The following SLC10A7 variants were observed in gnomAD, a reference collection of about 807,000 sequenced individuals.
SLC10A7 encodes sodium/bile acid cotransporter 7.
In SLC10A7, 29 loss-of-function variants were observed where a neutral mutation model predicts 43.2. The ratio of observed to expected loss-of-function variants is 0.67; its 90% CI spans 0.50 to 0.92. SLC10A7 has a LOEUF of 0.92. SLC10A7 is among the 40% of genes least tolerant of loss of function. SLC10A7 has a pLI of 0.00. For missense variants in SLC10A7, 295 were observed against 403.2 expected (o/e 0.73, Z 2.30); for synonymous variants, 152 against 144.8 (o/e 1.05, Z -0.35).
intron 10 of SLC10A7, among the ~76,000 whole-genome samples, chr4:146,276,948 T>C (rs1240156523): frequency 1.3e-5 from 2 of 148,612 alleles, no homozygotes; most frequent in Admixed American, 6.7e-5. Flanking sequence ...TGAGACTCCA[T>C]CTAAAAAAAA....
Position 146,316,852 on chromosome 4 carries a change from T to A in SLC10A7, c.471+9109A>T, listed in dbSNP as rs575428495. ...CATTTCAGATGATGCTTTTGTAGAA[T>A]CTTGATATCCTCCAGGGATTCTATT... On this transcript the variant is annotated intron_variant, in intron 6 of 11. Coordinates refer to ENST00000335472, the MANE Select transcript of SLC10A7 (RefSeq NM_001029998.6). Among the ~76,000 whole-genome samples the A allele has an allele frequency of 3.3e-5, 5 of 152,262 alleles. No homozygotes were observed. In the South Asian group the frequency reaches 8.3e-4, roughly 25 times the overall value.
intron 6 of SLC10A7, among the ~76,000 whole-genome samples, chr4:146,312,866 C>A (rs189077736): frequency 6.6e-6 from 1 of 152,146 alleles, no homozygotes; most frequent in East Asian, 1.9e-4. Context: ...CCAAAATGAA[C>A]CGTAAATTGG....
At chr4:146,486,169 G>T (rs1323995823) in intron 4 of SLC10A7, among the ~76,000 whole-genome samples, 3 of 152,064 alleles carry the variant, frequency 2.0e-5, no homozygotes, top group African/African-American at 7.2e-5. Flanking sequence ...CATTCAATAA[G>T]ACCATTCAAT....
chr4:146,292,907 C>G (rs778223908), intron 9 of SLC10A7, 22 bp downstream of exon 9: 11 of 1,538,720 alleles, frequency 7.1e-6, no homozygotes, highest in Non-Finnish European at 9.8e-6. Context: ...AAACTAATAA[C>G]AAGAGATACC....
intron 4 of SLC10A7, among the ~76,000 whole-genome samples, chr4:146,454,100 A>T (rs1471872840): frequency 6.6e-6 from 1 of 151,944 alleles, no homozygotes; most frequent in East Asian, 1.9e-4. Context: ...AAACATAATT[A>T]TCAGTTCAAA....
chr4:146,338,076 A>C (rs1248305456), intron 5 of SLC10A7, among the ~76,000 whole-genome samples: 1 of 151,968 alleles, frequency 6.6e-6, no homozygotes, highest in Non-Finnish European at 1.5e-5. Flanking sequence ...CTGTAACACA[A>C]CAGTGCCTGG....
chr4:146,272,195 T>C (rs1023919169), intron 10 of SLC10A7, among the ~76,000 whole-genome samples: 2 of 152,204 alleles, frequency 1.3e-5, no homozygotes, highest in African/African-American at 4.8e-5. Context: ...CATCTTTTCA[T>C]TGGCACTGTA....
At chr4:146,412,423 T>A (rs1728262704) in intron 5 of SLC10A7, among the ~76,000 whole-genome samples, 1 of 152,180 alleles carries the variant, frequency 6.6e-6, no homozygotes, top group South Asian at 2.1e-4. Context: ...TAATGACTGA[T>A]AACATTTATA....
intron 11 of SLC10A7, chr4:146,256,891 C>T (rs1369035409): frequency 1.3e-6 from 2 of 1,536,244 alleles, no homozygotes; most frequent in African/African-American, 1.4e-5. Flanking sequence ...TCCAAGCCTT[C>T]TGGATTATTC....
intron 5 of SLC10A7, among the ~76,000 whole-genome samples, chr4:146,377,283 T>A (rs1190662721): frequency 6.6e-6 from 1 of 152,202 alleles, no homozygotes; most frequent in East Asian, 1.9e-4. Context: ...GTGACCTGAT[T>A]CTTTCTGGAT....
chr4:146,436,695 C>T (rs894836979), intron 5 of SLC10A7, among the ~76,000 whole-genome samples: 2 of 151,958 alleles, frequency 1.3e-5, no homozygotes, highest in Non-Finnish European at 2.9e-5. Flanking sequence ...TCTTTCAATC[C>T]TTTGGATTGC....
intron 4 of SLC10A7, among the ~76,000 whole-genome samples, chr4:146,470,742 G>T (rs747091819): frequency 3.3e-5 from 5 of 152,118 alleles, no homozygotes; most frequent in African/African-American, 4.8e-5. Context: ...AGACTATGGA[G>T]CCTATAACTA....
chr4:146,283,583 C>T (rs142702556), intron 9 of SLC10A7, among the ~76,000 whole-genome samples: 9 of 152,216 alleles, frequency 5.9e-5, no homozygotes, highest in African/African-American at 1.9e-4. Flanking sequence ...TAGGTTACCA[C>T]TTGAAATTTA....
At chr4:146,369,093 A>C (rs1736592303) in intron 5 of SLC10A7, among the ~76,000 whole-genome samples, 1 of 152,170 alleles carries the variant, frequency 6.6e-6, no homozygotes, top group African/African-American at 2.4e-5. Flanking sequence ...CACAAAAATG[A>C]GAAAGCAAGC....
intron 5 of SLC10A7, among the ~76,000 whole-genome samples, chr4:146,384,912 T>A (rs1394737800): frequency 2.0e-5 from 3 of 152,102 alleles, no homozygotes; most frequent in Non-Finnish European, 2.9e-5. Context: ...AAGAATATAT[T>A]TTTTAAAACA....
intron 10 of SLC10A7, among the ~76,000 whole-genome samples, chr4:146,270,901 TCTTCTAATA>T (rs1419144967): frequency 6.6e-6 from 1 of 152,232 alleles, no homozygotes; most frequent in Non-Finnish European, 1.5e-5. Flanking sequence ...GCCAGACTCT[TCTTCTAATA>T]CTTCAAAGTG....
intron 6 of SLC10A7, among the ~76,000 whole-genome samples, chr4:146,324,005 C>A (rs1232376338): frequency 6.6e-6 from 1 of 152,128 alleles, no homozygotes; most frequent in East Asian, 1.9e-4. Context: ...GTGCAAAATT[C>A]AAAAGCATTC....
intron 9 of SLC10A7, among the ~76,000 whole-genome samples, chr4:146,286,025 T>G (rs1729893612): frequency 6.8e-6 from 1 of 146,440 alleles, no homozygotes; most frequent in Non-Finnish European, 1.5e-5. Context: ...TTTGGAGTGG[T>G]GAGAAGGACT....
intron 2 of SLC10A7, among the ~76,000 whole-genome samples, chr4:146,510,693 C>T (rs1737380757): frequency 6.6e-6 from 1 of 152,130 alleles, no homozygotes; most frequent in South Asian, 2.1e-4. Context: ...GATTGTTGAA[C>T]AACGTGCATG....
Sources: gnomAD v4.1 joint callset for allele counts (sites outside exome capture counted in the v4.1 genomes callset) on GRCh38, gnomAD v4.1.1 for gene constraint, MANE v1.5 for transcripts, NCBI Gene and HGNC (gene_info 2026-07-23, HGNC 2026-07-21) for gene names.